The following GRIK2 variants were observed in gnomAD, a reference collection of about 807,000 sequenced individuals.
GRIK2 encodes glutamate receptor ionotropic, kainate 2.
GRIK2 carries 32 observed loss-of-function variants against 100.3 expected under a neutral mutation model. That is an observed-to-expected ratio of 0.32 (90% CI 0.24 to 0.43). GRIK2 has a LOEUF of 0.43. Ranked by LOEUF, GRIK2 falls within the 20% of genes least tolerant of loss-of-function variation. The pLI is 1.00. For missense variants in GRIK2, 843 were observed against 1,114.9 expected, an observed-to-expected ratio of 0.76 and a Z score of 3.47; for synonymous variants, 417 against 389.4, an observed-to-expected ratio of 1.07 and a Z score of -0.83.
At chr6:101,458,679 C>T (rs1012883251) in intron 2 of GRIK2, among the ~76,000 whole-genome samples, 11 of 152,162 alleles carry the variant, frequency 7.2e-5, no homozygotes, top group African/African-American at 2.2e-4. Flanking sequence ...GCTAGACAAT[C>T]GTATCTGGTA....
intron 4 of GRIK2, among the ~76,000 whole-genome samples, chr6:101,634,771 A>G (rs909178343): frequency 1.3e-5 from 2 of 151,976 alleles, no homozygotes; most frequent in African/African-American, 4.8e-5. Context: ...AGCCTAGACT[A>G]ATTTCTATGA....
At chr6:101,896,997 AAC>A (rs10588904) in intron 12 of GRIK2, among the ~76,000 whole-genome samples, 26,265 of 147,600 alleles carry the variant, frequency 0.18, 2,793 homozygotes, top group African/African-American at 0.3. Context: ...CATTGTATTT[AAC>A]ACACACACAC....
At chr6:101,408,647 A>G (rs1297716965) in intron 2 of GRIK2, among the ~76,000 whole-genome samples, 1 of 151,972 alleles carries the variant, frequency 6.6e-6, no homozygotes, top group Non-Finnish European at 1.5e-5. Context: ...TTTTTTTCTC[A>G]GGAGGGTCAG....
chr6:101,441,774 C>A (rs1383810056), intron 2 of GRIK2, among the ~76,000 whole-genome samples: 1 of 152,052 alleles, frequency 6.6e-6, no homozygotes, highest in Non-Finnish European at 1.5e-5. Flanking sequence ...TTTCAGTTCT[C>A]CCCTTCCTTC....
Position 101,889,628 on chromosome 6 carries a change from T to TTTTTTTTTTTA in GRIK2, c.1525-11_1525-10insTTTTTTTTTAT. 1 of 1,334,858 alleles carries TTTTTTTTTTTA rather than the reference T, an allele frequency of 7.5e-7. No homozygotes were observed. The allele number at this position is 1,334,858 out of a possible 1,614,324, so 82.7% of individuals were successfully genotyped here. A position where few individuals can be genotyped will look rare whatever the true frequency, so the allele number is the denominator to read the frequency against. On this transcript the variant is annotated splice_polypyrimidine_tract_variant and intron_variant, in intron 11 of 16. Transcript: ENST00000369134. Reference sequence around the variant, plus strand: ...TTCTTTTTTTTTTTTTTTTGTTTGTTTCTGTCTACAGAAAGCTGACCTTGC... The same window carrying TTTTTTTTTTTA: ...TTCTTTTTTTTTTTTTTTTGTTTGTTTTTTTTTTTTATCTGTCTACAGAAAGCTGACCTTGC...
chr6:101,660,552 A>T (rs1769536566), intron 4 of GRIK2, among the ~76,000 whole-genome samples: 1 of 152,076 alleles, frequency 6.6e-6, no homozygotes, highest in Non-Finnish European at 1.5e-5. Flanking sequence ...GAGAAGAGAC[A>T]TCCTGGTATT....
chr6:101,849,997 T>C (rs1471222159), intron 10 of GRIK2, among the ~76,000 whole-genome samples: 5 of 151,776 alleles, frequency 3.3e-5, no homozygotes, highest in Admixed American at 3.3e-4. Flanking sequence ...AAGACTGGGG[T>C]TACCTGAATA....
intron 16 of GRIK2, among the ~76,000 whole-genome samples, chr6:102,057,592 A>C (rs1183626663): frequency 6.6e-6 from 1 of 151,970 alleles, no homozygotes; most frequent in East Asian, 1.9e-4. Flanking sequence ...GAAATAACTG[A>C]GTGGATATTA....
chr6:101,431,070 G>A, intron 2 of GRIK2: 1 of 255,850 alleles, frequency 3.9e-6, no homozygotes, highest in Non-Finnish European at 8.4e-6. Context: ...TACATGGCAG[G>A]GGGTATCCAA....
At chr6:102,047,474 G>T (rs1582784364) in intron 15 of GRIK2, among the ~76,000 whole-genome samples, 1 of 152,114 alleles carries the variant, frequency 6.6e-6, no homozygotes, top group African/African-American at 2.4e-5. Flanking sequence ...TCCTGGCCAG[G>T]TTCGGTGGCT....
intron 7 of GRIK2, among the ~76,000 whole-genome samples, chr6:101,690,639 A>G (rs1052419604): frequency 1.3e-5 from 2 of 151,902 alleles, no homozygotes; most frequent in Non-Finnish European, 2.9e-5. Context: ...CTCATTTGCC[A>G]AGCCTAAAAA....
chr6:101,861,399 CAGTG>C (rs1784725955), intron 11 of GRIK2, among the ~76,000 whole-genome samples: 1 of 152,016 alleles, frequency 6.6e-6, no homozygotes, highest in African/African-American at 2.4e-5. Flanking sequence ...TAATCATAGT[CAGTG>C]AGATCAGTAT....
chr6:101,948,864 T>A (rs551849825), intron 14 of GRIK2, among the ~76,000 whole-genome samples: 158 of 152,258 alleles, frequency 1.0e-3, no homozygotes, highest in Non-Finnish European at 2.0e-3. Flanking sequence ...ATTGCCAATA[T>A]GAGGCAAACT....
intron 14 of GRIK2, among the ~76,000 whole-genome samples, chr6:101,979,259 C>T (rs1793577147): frequency 6.6e-6 from 1 of 151,868 alleles, no homozygotes; most frequent in South Asian, 2.1e-4. Context: ...AATGGCAATG[C>T]TCAGGTTATG....
chr6:101,426,480 T>C (rs1582423630), intron 2 of GRIK2, among the ~76,000 whole-genome samples: 1 of 152,126 alleles, frequency 6.6e-6, no homozygotes. Flanking sequence ...TCCCCCCTCC[T>C]CCCTACACTT....
At chr6:101,601,827 T>G (rs942212572) in intron 2 of GRIK2, among the ~76,000 whole-genome samples, 1 of 151,822 alleles carries the variant, frequency 6.6e-6, no homozygotes, top group African/African-American at 2.4e-5. Context: ...TCTTTTTTTC[T>G]TGGTTAATCT....
At chr6:101,642,238 G>C (rs759363855) in intron 4 of GRIK2, among the ~76,000 whole-genome samples, 2 of 151,760 alleles carry the variant, frequency 1.3e-5, no homozygotes, top group African/African-American at 2.4e-5. Flanking sequence ...TTTAAAATTT[G>C]TAATTGTGGT....
chr6:101,518,967 G>T (rs1322804410), intron 2 of GRIK2, among the ~76,000 whole-genome samples: 1 of 152,128 alleles, frequency 6.6e-6, no homozygotes, highest in Non-Finnish European at 1.5e-5. Flanking sequence ...AGTCGAGACT[G>T]TTAGAACTTT....
intron 4 of GRIK2, among the ~76,000 whole-genome samples, chr6:101,636,809 A>G (rs1406812709): frequency 6.6e-6 from 1 of 152,060 alleles, no homozygotes; most frequent in East Asian, 1.9e-4. Context: ...AAACACTGCC[A>G]TTTTTTAATT....
Sources: allele counts gnomAD v4.1 joint callset (sites outside exome capture counted in the v4.1 genomes callset), GRCh38; gene constraint gnomAD v4.1.1; transcripts MANE v1.5; gene names NCBI Gene and HGNC (gene_info 2026-07-23, HGNC 2026-07-21).